Variants in NXPE1 observed in about 807,000 individuals in gnomAD.
The protein encoded by NXPE1 is NXPE family member 1.
Under a neutral mutation model 33.3 loss-of-function variants are expected in NXPE1, and 31 were observed. The ratio of observed to expected loss-of-function variants is 0.93; its 90% CI spans 0.70 to 1.26. NXPE1 has a LOEUF of 1.26. Ranked by LOEUF, NXPE1 falls within the 50% of genes most tolerant of loss-of-function variation. The probability of loss-of-function intolerance (pLI) is 0.00; values close to 1 mark genes in which losing one functional copy is unlikely to be tolerated. For synonymous variants in NXPE1, 229 were observed against 231.4 expected, an observed-to-expected ratio of 0.99 and a Z score of 0.09; for missense variants, 661 against 655.6, an observed-to-expected ratio of 1.01 and a Z score of -0.09.
intron 1 of NXPE1, among the ~76,000 whole-genome samples, 175 bp from the exon 2 acceptor site, chr11:114,553,055 C>A (rs1274227582): frequency 2.6e-5 from 4 of 152,198 alleles, no homozygotes; most frequent in Non-Finnish European, 5.9e-5. Flanking sequence ...TCCCTCACTG[C>A]ACCAACACTG....
intron 5 of NXPE1, among the ~76,000 whole-genome samples, chr11:114,544,618 T>G: frequency 6.6e-6 from 1 of 152,086 alleles, no homozygotes; most frequent in East Asian, 1.9e-4. Context: ...AATCTAAAAT[T>G]TCTGGAAGAA....
downstream of NXPE1, among the ~76,000 whole-genome samples, chr11:114,520,139 C>A (rs1416646419): frequency 1.3e-5 from 2 of 152,124 alleles, no homozygotes; most frequent in Admixed American, 6.5e-5. Context: ...TACCTAAAAT[C>A]TAGTCTCTCA....
chr11:114,539,991 A>G lies in NXPE1; in HGVS notation c.100-9083T>C, dbSNP rs114239458. 3.1e-4 allele frequency among the ~76,000 whole-genome samples: 47 copies of G among 152,366 alleles called. 1 individual carries two copies. Among genetic ancestry groups the G allele is most frequent in the African/African-American group, 8.7e-4 (36 of 41,592 alleles). ...CGAATATTGTAACTAAAAGTTCAAT[A>G]TAAAGACATTTATAATTTCCTTATG... On this transcript the variant is annotated intron_variant, in intron 5 of 8. Coordinates refer to ENST00000534921, the Ensembl canonical transcript of NXPE1.
At chr11:114,537,375 C>G (rs183082701) in intron 5 of NXPE1, among the ~76,000 whole-genome samples, 2 of 152,282 alleles carry the variant, frequency 1.3e-5, no homozygotes, top group African/African-American at 4.8e-5. Context: ...TGGCACAAGA[C>G]AGGGATGCCC....
intron 5 of NXPE1, among the ~76,000 whole-genome samples, chr11:114,545,508 A>G (rs916743349): frequency 4.6e-5 from 7 of 152,166 alleles, no homozygotes; most frequent in African/African-American, 1.7e-4. Context: ...GACATTCTGG[A>G]AAAAGGTGGT....
downstream of NXPE1, among the ~76,000 whole-genome samples, chr11:114,519,602 A>C (rs1220345910): frequency 6.6e-6 from 1 of 152,116 alleles, no homozygotes; most frequent in African/African-American, 2.4e-5. Context: ...AAATAATTCA[A>C]TCTGGTTTTA....
intron 6 of NXPE1, chr11:114,529,457 G>C (rs1947495015): frequency 6.6e-6 from 1 of 152,216 alleles, no homozygotes; most frequent in South Asian, 2.1e-4. Context: ...GGGAAACCAG[G>C]AAGTGAGCCT....
chr11:114,559,610 GT>G (rs10582306), intron 1 of NXPE1, among the ~76,000 whole-genome samples, 187 bp downstream of exon 1: 3,436 of 146,408 alleles, frequency 0.023, 123 homozygotes, highest in African/African-American at 0.08. Context: ...CTCACTATCA[GT>G]TTTTTTTTTT....
intron 5 of NXPE1, among the ~76,000 whole-genome samples, chr11:114,549,209 A>T (rs1189899568): frequency 3.3e-5 from 5 of 152,060 alleles, no homozygotes; most frequent in Non-Finnish European, 7.4e-5. Context: ...TCCCAATATT[A>T]CTTAAATAAG....
chr11:114,526,444 T>G (rs1947372808), intron 7 of NXPE1: 1 of 64,812 alleles, frequency 1.5e-5, no homozygotes, highest in South Asian at 4.6e-4. Context: ...CATTTTAAAT[T>G]GCCTTTCTGC....
At chr11:114,535,602 T>C (rs1413669576) in intron 5 of NXPE1, among the ~76,000 whole-genome samples, 2 of 151,264 alleles carry the variant, frequency 1.3e-5, no homozygotes, top group South Asian at 4.2e-4. Context: ...ACCAAGCAAA[T>C]GGAAAACAAA....
downstream of NXPE1, among the ~76,000 whole-genome samples, chr11:114,521,010 T>A (rs1947198783): frequency 6.6e-6 from 1 of 152,200 alleles, no homozygotes; most frequent in African/African-American, 2.4e-5. Flanking sequence ...TTTAAAAAAG[T>A]TCATTCACTG....
chr11:114,554,820 G>A (rs1473543721), intron 1 of NXPE1, among the ~76,000 whole-genome samples: 1 of 152,086 alleles, frequency 6.6e-6, no homozygotes, highest in Non-Finnish European at 1.5e-5. Flanking sequence ...GAAAATAAAG[G>A]TGTTATTTTT....
At chr11:114,530,962 T>C (rs1436662604) in intron 5 of NXPE1, 54 bp from the exon 6 acceptor site, 1 of 1,478,282 alleles carries the variant, frequency 6.8e-7, no homozygotes, top group Admixed American at 2.3e-5. Context: ...TAATCATTTT[T>C]ACTTATTATG....
chr11:114,557,872 T>C lies in NXPE1; in HGVS notation c.-211+1926A>G, dbSNP rs371999379. 4.6e-5 allele frequency among the ~76,000 whole-genome samples: 7 copies of C among 152,034 alleles called. No homozygotes were observed. The South Asian group carries it at 1.5e-3, about 32-fold the overall frequency. On this transcript the variant is annotated intron_variant, in intron 1 of 8. Coordinates refer to ENST00000534921, the Ensembl canonical transcript of NXPE1. ...TTGCTTTCATTTTGAGGGTTTCTTT[T>C]GCGGGCTATACAATTCTAGATTGAC...
At chr11:114,551,103 C>G (rs1591303251) in exon 5 of NXPE1, 1 of 1,483,560 alleles carries the variant, frequency 6.7e-7, no homozygotes, top group Non-Finnish European at 9.1e-7. Flanking sequence ...TTGCTCCTAC[C>G]TTTGTGAAGT....
chr11:114,553,699 T>C (rs1948580446), intron 1 of NXPE1: 1 of 984,760 alleles, frequency 1.0e-6, no homozygotes, highest in Non-Finnish European at 1.2e-6. Context: ...TAGATTCTAC[T>C]CCTTAGCTTG....
chr11:114,525,272 G>A (rs1947334265), intron 7 of NXPE1, among the ~76,000 whole-genome samples: 1 of 151,952 alleles, frequency 6.6e-6, no homozygotes. Flanking sequence ...TGCCCACTGA[G>A]AAATAGATTC....
chr11:114,541,199 T>C (rs1948088460), intron 5 of NXPE1, among the ~76,000 whole-genome samples: 1 of 151,994 alleles, frequency 6.6e-6, no homozygotes, highest in African/African-American at 2.4e-5. Context: ...GAATCCGTGG[T>C]TTCCACAACA....
Sources: gnomAD v4.1 joint callset for allele counts (sites outside exome capture counted in the v4.1 genomes callset) on GRCh38, gnomAD v4.1.1 for gene constraint, MANE v1.5 for transcripts, NCBI Gene and HGNC (gene_info 2026-07-23, HGNC 2026-07-21) for gene names.